Variants in NOL4 observed in about 807,000 individuals in gnomAD.
NOL4 encodes cancer/testis antigen 125.
Under a neutral mutation model 75.9 loss-of-function variants are expected in NOL4, and 17 were observed. That is an observed-to-expected ratio of 0.22 (90% confidence interval 0.15 to 0.34). NOL4 has a LOEUF of 0.34. Among genes scored for constraint, NOL4 ranks in the 10% least tolerant of loss-of-function variants. The pLI is 1.00. For synonymous variants in NOL4, 292 were observed against 289.9 expected (o/e 1.01, Z -0.07); for missense variants, 614 against 793.5 (o/e 0.77, Z 2.72).
At chr18:33,967,140 TG>T (rs1314558873) in intron 6 of NOL4, among the ~76,000 whole-genome samples, 1 of 151,970 alleles carries the variant, frequency 6.6e-6, no homozygotes, top group East Asian at 1.9e-4. Flanking sequence ...CATGGACCAA[TG>T]GAACAGAATA....
chr18:34,215,381 A>G (rs1211136485), intron 1 of NOL4, among the ~76,000 whole-genome samples: 1 of 152,224 alleles, frequency 6.6e-6, no homozygotes, highest in East Asian at 1.9e-4. Flanking sequence ...CTGGAGATTA[A>G]ATCTTTCTTC....
chr18:34,066,337 A>C (rs2077274561), intron 5 of NOL4, among the ~76,000 whole-genome samples: 1 of 151,956 alleles, frequency 6.6e-6, no homozygotes, highest in African/African-American at 2.4e-5. Context: ...TTAAAATAGA[A>C]AGTTTCTTAT....
chr18:34,116,022 T>C (rs2079840454), intron 2 of NOL4, among the ~76,000 whole-genome samples: 1 of 152,200 alleles, frequency 6.6e-6, no homozygotes, highest in Non-Finnish European at 1.5e-5. Context: ...CCTTTAGGAC[T>C]GGAATTCATC....
chr18:34,175,243 T>G (rs1260168332), intron 1 of NOL4, among the ~76,000 whole-genome samples: 1 of 152,144 alleles, frequency 6.6e-6, no homozygotes, highest in Non-Finnish European at 1.5e-5. Context: ...GTCTAGTGCT[T>G]CCATGGAAGA....
At chr18:33,950,289 GA>G (rs978530766) in intron 8 of NOL4, among the ~76,000 whole-genome samples, 33 of 148,400 alleles carry the variant, frequency 2.2e-4, no homozygotes, top group African/African-American at 7.4e-4. Context: ...TTTCTTTTGT[GA>G]AAAAAAAACT....
chr18:34,089,105 C>T (rs573941379), intron 5 of NOL4, among the ~76,000 whole-genome samples: 1 of 151,860 alleles, frequency 6.6e-6, no homozygotes, highest in Non-Finnish European at 1.5e-5. Flanking sequence ...TTTCTATAAC[C>T]ATAGTGAAAT....
chr18:33,971,733 T>G (rs559477657), intron 6 of NOL4, among the ~76,000 whole-genome samples: 2 of 152,278 alleles, frequency 1.3e-5, no homozygotes, highest in African/African-American at 4.8e-5. Flanking sequence ...GTTCCAAGCC[T>G]GATTCTCCAC....
chr18:33,930,839 A>G (rs2067643258), intron 9 of NOL4, among the ~76,000 whole-genome samples: 2 of 152,140 alleles, frequency 1.3e-5, no homozygotes, highest in Non-Finnish European at 1.5e-5. Context: ...AACTTAAAAT[A>G]GTTGAATGAA....
chr18:33,887,978 C>G (rs369267668), intron 9 of NOL4, among the ~76,000 whole-genome samples: 1 of 152,006 alleles, frequency 6.6e-6, no homozygotes, highest in Non-Finnish European at 1.5e-5. Context: ...AGTTCTAGAT[C>G]CCTGAGGAAT....
chr18:34,107,930 A>G (rs527804590), intron 2 of NOL4, among the ~76,000 whole-genome samples: 1 of 152,258 alleles, frequency 6.6e-6, no homozygotes, highest in South Asian at 2.1e-4. Context: ...TCAATGAATA[A>G]GGTAGAAAAG....
At chr18:33,946,575 C>G (rs184567167) in intron 8 of NOL4, among the ~76,000 whole-genome samples, 247 of 151,862 alleles carry the variant, frequency 1.6e-3, no homozygotes, top group African/African-American at 5.6e-3. Context: ...AAAGTCCCCA[C>G]TGAGTTTAAA....
chr18:33,944,555 T>A (rs376547397), intron 8 of NOL4, among the ~76,000 whole-genome samples: 9 of 151,998 alleles, frequency 5.9e-5, no homozygotes, highest in African/African-American at 2.2e-4. Context: ...ATAGGGTACA[T>A]ACTCTTCTGC....
At chr18:34,053,689 A>C (rs189102245) in intron 5 of NOL4, among the ~76,000 whole-genome samples, 43 of 152,140 alleles carry the variant, frequency 2.8e-4, no homozygotes, top group African/African-American at 9.4e-4. Context: ...GAAACAGATA[A>C]ATGGTAATAT....
intron 8 of NOL4, among the ~76,000 whole-genome samples, chr18:33,947,748 A>C (rs1335763292): frequency 6.6e-6 from 1 of 151,874 alleles, no homozygotes; most frequent in African/African-American, 2.4e-5. Flanking sequence ...TGACATTCTA[A>C]CTGGGATCTG....
intron 6 of NOL4, among the ~76,000 whole-genome samples, chr18:34,013,250 C>T (rs1016993390): frequency 4.6e-5 from 7 of 151,752 alleles, no homozygotes; most frequent in Admixed American, 2.0e-4. Context: ...AATCAAACAC[C>T]CAATTCTGTC....
chr18:34,020,973 T>C (rs961390525), intron 5 of NOL4, among the ~76,000 whole-genome samples: 4 of 152,202 alleles, frequency 2.6e-5, no homozygotes, highest in Non-Finnish European at 2.9e-5. Context: ...TTTCTGAATG[T>C]TATCAAGTAT....
chr18:34,128,728 A>G (rs997697794), intron 2 of NOL4: 8 of 206,316 alleles, frequency 3.9e-5, no homozygotes, highest in Non-Finnish European at 6.8e-5. Flanking sequence ...TAAATACAAC[A>G]TGTATTAGGG....
intron 5 of NOL4, among the ~76,000 whole-genome samples, chr18:34,031,164 G>A (rs1213580898): frequency 2.0e-5 from 3 of 152,098 alleles, no homozygotes; most frequent in Admixed American, 1.3e-4. Flanking sequence ...ATTAATATCC[G>A]GGTGTCTCCC....
intron 8 of NOL4, among the ~76,000 whole-genome samples, chr18:33,948,637 G>A (rs971549280): frequency 7.2e-5 from 11 of 151,854 alleles, no homozygotes; most frequent in African/African-American, 1.7e-4. Flanking sequence ...ACAAAACTGA[G>A]GTTCAGTCAG....
Sources: gnomAD v4.1 joint callset for allele counts (sites outside exome capture counted in the v4.1 genomes callset) on GRCh38, gnomAD v4.1.1 for gene constraint, MANE v1.5 for transcripts, NCBI Gene and HGNC (gene_info 2026-07-23, HGNC 2026-07-21) for gene names.